CDC42BPA: variants seen among roughly 807,000 people sequenced by gnomAD.
CDC42BPA encodes serine/threonine-protein kinase MRCK alpha.
In CDC42BPA, 80 loss-of-function variants were observed where a neutral mutation model predicts 223.5. That is an observed-to-expected ratio of 0.36 (90% confidence interval 0.30 to 0.43). The LOEUF (loss-of-function observed/expected upper bound fraction) is 0.43. Among genes scored for constraint, CDC42BPA ranks in the 20% least tolerant of loss-of-function variants. The pLI is 1.00. For synonymous variants in CDC42BPA, 694 were observed against 718.6 expected, an observed-to-expected ratio of 0.97 and a Z score of 0.55; for missense variants, 1,743 against 2,099.9, an observed-to-expected ratio of 0.83 and a Z score of 3.32.
chr1:227,220,398 A>G (rs1029636234), intron 2 of CDC42BPA, among the ~76,000 whole-genome samples: 1 of 149,106 alleles, frequency 6.7e-6, no homozygotes, highest in African/African-American at 2.4e-5. Context: ...AATAATATAT[A>G]TAAGAATATA....
At chr1:227,051,839 A>G (rs761222080) in intron 22 of CDC42BPA, 42 bp downstream of exon 22, 2 of 1,136,410 alleles carry the variant, frequency 1.8e-6, no homozygotes, top group African/African-American at 1.6e-5. Flanking sequence ...CTTTTCTGAC[A>G]CAAGTGAAAA....
intron 1 of CDC42BPA, among the ~76,000 whole-genome samples, chr1:227,275,232 T>C (rs28651409): frequency 0.025 from 1,926 of 77,956 alleles, 17 homozygotes; most frequent in Non-Finnish European, 0.036. Context: ...AGGTCAAAAA[T>C]AAAAATTAGA....
At chr1:227,059,644 G>T (rs1023854401) in intron 21 of CDC42BPA, among the ~76,000 whole-genome samples, 2 of 152,178 alleles carry the variant, frequency 1.3e-5, no homozygotes, top group Admixed American at 1.3e-4. Flanking sequence ...CATGTACAGT[G>T]ACCCACAAAA....
chr1:227,158,625 G>T (rs1378746160), intron 6 of CDC42BPA, among the ~76,000 whole-genome samples: 2 of 152,086 alleles, frequency 1.3e-5, no homozygotes, highest in African/African-American at 4.8e-5. Context: ...TCTAATCAGG[G>T]CTTGGACTTA....
chr1:227,203,319 C>T (rs6695387), intron 3 of CDC42BPA, among the ~76,000 whole-genome samples: 128,120 of 152,092 alleles, frequency 0.84, 54,244 homozygotes, highest in Middle Eastern at 0.91. Context: ...TGGGTTCTAC[C>T]GGCATTTAGT....
chr1:227,043,079 C>A (rs1462889229), intron 23 of CDC42BPA, among the ~76,000 whole-genome samples: 2 of 152,064 alleles, frequency 1.3e-5, no homozygotes, highest in Non-Finnish European at 2.9e-5. Flanking sequence ...TCTCACACAA[C>A]CCTTTCTTTT....
At chr1:227,238,038 C>A (rs1226409251) in intron 2 of CDC42BPA, among the ~76,000 whole-genome samples, 400 of 91,110 alleles carry the variant, frequency 4.4e-3, no homozygotes, top group Middle Eastern at 8.3e-3. Flanking sequence ...AACTCTGTCT[C>A]AAAAAAAAAA....
Position 227,129,918 on chromosome 1 carries a change from AG to A in CDC42BPA, c.1391-688del, listed in dbSNP as rs1441340785. 3.3e-5 allele frequency among the ~76,000 whole-genome samples: 5 copies of A among 152,224 alleles called. No homozygotes were observed. The East Asian group carries it at 9.7e-4, about 29-fold the overall frequency. ...GTTAGGCATGTTAATATACATATGC[AG>A]AAATGCTGGCCTTCCAAATTTTATG... On this transcript the variant is annotated intron_variant, in intron 10 of 36. Transcript: ENST00000366766.
intron 22 of CDC42BPA, 126 bp downstream of exon 22, chr1:227,051,755 G>C (rs755330680): frequency 2.0e-5 from 9 of 441,516 alleles, no homozygotes; most frequent in Non-Finnish European, 3.9e-5. Flanking sequence ...TAAATGTAAT[G>C]ATCTCCAATA....
intron 16 of CDC42BPA, among the ~76,000 whole-genome samples, chr1:227,087,926 T>G (rs571326054): frequency 9.9e-5 from 15 of 152,174 alleles, no homozygotes; most frequent in African/African-American, 3.4e-4. Context: ...TTACCATTAT[T>G]TTTTATAGCC....
At chr1:227,099,953 T>C (rs1684698850) in intron 15 of CDC42BPA, among the ~76,000 whole-genome samples, 1 of 152,156 alleles carries the variant, frequency 6.6e-6, no homozygotes, top group South Asian at 2.1e-4. Flanking sequence ...TCATTGTTAT[T>C]GTCTTTTTGT....
chr1:227,073,723 T>C, intron 19 of CDC42BPA, 141 bp downstream of exon 19: 1 of 619,132 alleles, frequency 1.6e-6, no homozygotes, highest in Non-Finnish European at 2.7e-6. Context: ...TAAAAGCATC[T>C]AGTTATTTTC....
chr1:227,069,909 G>T, intron 20 of CDC42BPA, 56 bp from the exon 21 acceptor site: 4 of 1,157,058 alleles, frequency 3.5e-6, no homozygotes, highest in South Asian at 1.3e-5. Flanking sequence ...TGATTTTAAT[G>T]GATAACCTTC....
intron 1 of CDC42BPA, among the ~76,000 whole-genome samples, chr1:227,270,036 G>A (rs1029830830): frequency 3.3e-5 from 5 of 152,064 alleles, no homozygotes; most frequent in East Asian, 1.9e-4. Context: ...AGGAAATACC[G>A]AAATGGTATA....
intron 15 of CDC42BPA, among the ~76,000 whole-genome samples, chr1:227,095,589 GTTT>G (rs35570582): frequency 3.9e-4 from 50 of 127,538 alleles, no homozygotes; most frequent in Admixed American, 6.4e-4. Context: ...AAGTTCTTTG[GTTT>G]TTTTTTTTTT....
intron 23 of CDC42BPA, among the ~76,000 whole-genome samples, chr1:227,045,351 T>A (rs1342525773): frequency 6.6e-6 from 1 of 152,214 alleles, no homozygotes; most frequent in Non-Finnish European, 1.5e-5. Flanking sequence ...AATTCCTGAA[T>A]ATGTGGATGT....
chr1:227,205,970 C>T (rs1372828582), intron 3 of CDC42BPA, among the ~76,000 whole-genome samples: 1 of 152,106 alleles, frequency 6.6e-6, no homozygotes, highest in Non-Finnish European at 1.5e-5. Context: ...ATCCCTTGAG[C>T]CCAGGAGGCA....
At chr1:227,200,442 A>AAC (rs375891478) in intron 3 of CDC42BPA, among the ~76,000 whole-genome samples, 44,806 of 85,214 alleles carry the variant, frequency 0.53, 7,528 homozygotes, top group Non-Finnish European at 0.56. Context: ...AAAAACAAAC[A>AAC]AACAAAAAAA....
At chr1:227,019,016 A>G (rs543362143) in intron 32 of CDC42BPA, among the ~76,000 whole-genome samples, 132 of 152,298 alleles carry the variant, frequency 8.7e-4, no homozygotes, top group Non-Finnish European at 1.6e-3. Context: ...TGAGACATCA[A>G]TAAAGTTTGC....
Sources: allele counts gnomAD v4.1 joint callset (sites outside exome capture counted in the v4.1 genomes callset), GRCh38; gene constraint gnomAD v4.1.1; transcripts MANE v1.5; gene names NCBI Gene and HGNC (gene_info 2026-07-23, HGNC 2026-07-21).